The following PALLD variants were observed in gnomAD, a reference collection of about 807,000 sequenced individuals.
PALLD encodes palladin, cytoskeletal associated protein, also known as palladin.
In PALLD, 61 loss-of-function variants were observed where a neutral mutation model predicts 123.5. The observed-to-expected ratio is 0.49, with a 90% CI of 0.40 to 0.61. The LOEUF (loss-of-function observed/expected upper bound fraction) is 0.61. Ranked by LOEUF, PALLD falls within the 20% of genes least tolerant of loss-of-function variation. PALLD has a pLI of 0.00. For missense variants in PALLD, 1,273 were observed against 1,377.0 expected (o/e 0.92, Z 1.20); for synonymous variants, 465 against 496.4 (o/e 0.94, Z 0.84).
At chr4:168,811,944 C>T (rs1267730309) in intron 10 of PALLD, among the ~76,000 whole-genome samples, 2 of 152,050 alleles carry the variant, frequency 1.3e-5, no homozygotes, top group African/African-American at 4.8e-5. Flanking sequence ...CCTACCCTCG[C>T]CTGTTTCCTG....
intron 10 of PALLD, among the ~76,000 whole-genome samples, chr4:168,758,860 A>G (rs369758480): frequency 1.3e-5 from 2 of 151,922 alleles, no homozygotes; most frequent in African/African-American, 4.8e-5. Flanking sequence ...GGCCTGTGCA[A>G]ATGGATTTCT....
chr4:168,890,534 T>A (rs77046922), intron 10 of PALLD, among the ~76,000 whole-genome samples: 3,379 of 152,238 alleles, frequency 0.022, 130 homozygotes, highest in African/African-American at 0.075. Flanking sequence ...GTGGTATATA[T>A]TTTTTTAAAA....
chr4:168,590,879 T>G (rs866217181), intron 2 of PALLD, among the ~76,000 whole-genome samples: 6,319 of 135,648 alleles, frequency 0.047, 346 homozygotes, highest in Admixed American at 0.081. Flanking sequence ...TTTTTTTTTT[T>G]TTTTTTTTTT....
intron 10 of PALLD, among the ~76,000 whole-genome samples, chr4:168,879,160 T>C (rs1752268844): frequency 1.3e-5 from 2 of 152,182 alleles, no homozygotes; most frequent in Non-Finnish European, 2.9e-5. Flanking sequence ...CCTCTATCTC[T>C]TTCTGTTTGC....
At chr4:168,786,983 C>G (rs1451663707) in intron 10 of PALLD, among the ~76,000 whole-genome samples, 1 of 152,152 alleles carries the variant, frequency 6.6e-6, no homozygotes, top group Non-Finnish European at 1.5e-5. Flanking sequence ...ATATATCAAA[C>G]TTATTATCTA....
intron 8 of PALLD, among the ~76,000 whole-genome samples, chr4:168,707,391 T>C (rs1400282588): frequency 2.6e-5 from 4 of 152,330 alleles, no homozygotes; most frequent in Middle Eastern, 3.4e-3. Flanking sequence ...AGTGCGGCCA[T>C]GGTCAGCTGC....
intron 2 of PALLD, among the ~76,000 whole-genome samples, chr4:168,602,979 T>C (rs1772822974): frequency 1.3e-5 from 2 of 152,144 alleles, no homozygotes; most frequent in African/African-American, 2.4e-5. Context: ...TGTTGCCCAG[T>C]ATGGTCTTAA....
chr4:168,768,616 A>G (rs1296174863), intron 10 of PALLD, among the ~76,000 whole-genome samples: 3 of 152,264 alleles, frequency 2.0e-5, no homozygotes, highest in African/African-American at 7.2e-5. Flanking sequence ...TTTGGAGAGC[A>G]TAGACTAACA....
chr4:168,797,135 T>C (rs1370532999), intron 10 of PALLD, among the ~76,000 whole-genome samples: 1 of 152,186 alleles, frequency 6.6e-6, no homozygotes, highest in Non-Finnish European at 1.5e-5. Context: ...TCTTTGAATA[T>C]TTGAACATTT....
rs186921466 is a variant in PALLD, at chr4:168,526,502, G to A, written c.908+14090G>A. 3.3e-5 allele frequency among the ~76,000 whole-genome samples: 5 copies of A among 151,858 alleles called. No homozygotes were observed. In the East Asian group the frequency reaches 9.6e-4, roughly 29 times the overall value. The stretch of plus-strand genomic sequence containing the variant: ...TCTCTCACATCCACATTGCAAATCA[G>A]TCCTTTTTCACTCCCCATATTTAGT... On this transcript the variant is annotated intron_variant, in intron 2 of 21. Transcript: ENST00000505667.
intron 3 of PALLD, among the ~76,000 whole-genome samples, chr4:168,669,628 A>G (rs1294538778): frequency 6.6e-6 from 1 of 152,112 alleles, no homozygotes; most frequent in Non-Finnish European, 1.5e-5. Context: ...TAAAAATAAA[A>G]AGTAACGATT....
chr4:168,592,180 G>T (rs541388189), intron 2 of PALLD, among the ~76,000 whole-genome samples: 1 of 151,854 alleles, frequency 6.6e-6, no homozygotes, highest in Non-Finnish European at 1.5e-5. Context: ...CCACGCACCT[G>T]TAAGATTTGA....
chr4:168,716,047 G>C (rs1478288380), intron 10 of PALLD, among the ~76,000 whole-genome samples: 1 of 152,160 alleles, frequency 6.6e-6, no homozygotes, highest in African/African-American at 2.4e-5. Context: ...TAGGCGATTT[G>C]CCAAGCATAT....
At chr4:168,807,325 A>G (rs1411173089) in intron 10 of PALLD, among the ~76,000 whole-genome samples, 1 of 152,026 alleles carries the variant, frequency 6.6e-6, no homozygotes, top group Non-Finnish European at 1.5e-5. Context: ...AGTTTAACCT[A>G]ATTCAACAAG....
chr4:168,709,071 T>G lies in PALLD; in HGVS notation c.1545T>G (p.Asp515Glu). 1.2e-6 allele frequency: 2 copies of G among 1,613,454 alleles called. No individual in the cohort carries two copies. Among genetic ancestry groups the G allele is most frequent in the Non-Finnish European group, 1.7e-6 (2 of 1,179,362 alleles). The change falls in exon 9 of 22, where the codon GAT (aspartate) becomes GAG (glutamate). Residue 515 changes from aspartate (D) to glutamate (E), a missense_variant. By Grantham distance (45) the Asp-to-Glu change is conservative (BLOSUM62 2). Transcript: ENST00000505667. Reference sequence around the variant, plus strand: ...TTATCGCTGAGACTTTCCCTGAAGATGCAGGGATCTTTACATGTTCAGCAA... The same window carrying G: ...TTATCGCTGAGACTTTCCCTGAAGAGGCAGGGATCTTTACATGTTCAGCAA... The part of the protein sequence containing the change: ...TLVIAETFPE[D>E]AGIFTCSARN...
chr4:168,526,821 T>C lies in PALLD; in HGVS notation c.908+14409T>C, dbSNP rs535432751. Among the ~76,000 whole-genome samples the C allele has an allele frequency of 1.9e-3, 277 of 144,554 alleles. 1 individual carries two copies. The highest frequency in any genetic ancestry group is 6.6e-3 in the African/African-American group (262 of 39,410). The allele number at this position is 144,554 out of a possible 152,430, so 94.8% of individuals were successfully genotyped here. On this transcript the variant is annotated intron_variant, in intron 2 of 21. Transcript: ENST00000505667. ...CAGGAAACAAGCTTGAAGCCAGGGG[T>C]AAAAAAAAAAATTAAGAGAAGCAAA...
At chr4:168,892,945 A>G (rs1754377069) in intron 11 of PALLD, among the ~76,000 whole-genome samples, 1 of 152,204 alleles carries the variant, frequency 6.6e-6, no homozygotes, top group Non-Finnish European at 1.5e-5. Context: ...CCTTTTTAGA[A>G]AATGGGATTC....
At chr4:168,839,431 G>A (rs570838094) in intron 10 of PALLD, among the ~76,000 whole-genome samples, 29 of 152,246 alleles carry the variant, frequency 1.9e-4, no homozygotes, top group Non-Finnish European at 3.4e-4. Context: ...AATGGGAAAC[G>A]GGAAAGCTAC....
chr4:168,741,693 A>C (rs1028571007), intron 10 of PALLD, among the ~76,000 whole-genome samples: 7 of 152,116 alleles, frequency 4.6e-5, no homozygotes, highest in African/African-American at 1.7e-4. Context: ...CAAAAACAAA[A>C]AACAAACAAA....
Sources: gnomAD v4.1 joint callset for allele counts (sites outside exome capture counted in the v4.1 genomes callset) on GRCh38, gnomAD v4.1.1 for gene constraint, MANE v1.5 for transcripts, NCBI Gene and HGNC (gene_info 2026-07-23, HGNC 2026-07-21) for gene names.